ATXN10: variants seen among roughly 807,000 people sequenced by gnomAD.
The protein encoded by ATXN10 is ataxin 10.
ATXN10 carries 28 observed loss-of-function variants against 52.9 expected under a neutral mutation model. The observed-to-expected ratio is 0.53, with a 90% CI of 0.39 to 0.73. The LOEUF is 0.73. Ranked by LOEUF, ATXN10 falls within the 30% of genes least tolerant of loss-of-function variation. The pLI is 0.00. For synonymous variants in ATXN10, 226 were observed against 221.5 expected, an observed-to-expected ratio of 1.02 and a Z score of -0.18; for missense variants, 565 against 577.0, an observed-to-expected ratio of 0.98 and a Z score of 0.21.
chr22:45,770,349 A>G lies in ATXN10; in HGVS notation c.1173+29811A>G, dbSNP rs1182806873. On this transcript the variant is annotated intron_variant, in intron 9 of 11. Transcript: ENST00000252934. The surrounding 1 kb of genome is among the most constrained non-coding windows in gnomAD (Gnocchi z 4.5). Reference sequence around the variant, plus strand: ...TTAAAATGAGACAGGATGAGGACACATTGTAATAAGTACTGTCGCTGGTTG... The same window carrying G: ...TTAAAATGAGACAGGATGAGGACACGTTGTAATAAGTACTGTCGCTGGTTG... 1.3e-5 allele frequency among the ~76,000 whole-genome samples: 2 copies of G among 152,206 alleles called. No homozygotes were observed. Among genetic ancestry groups the G allele is most frequent in the Non-Finnish European group, 2.9e-5 (2 of 68,036 alleles).
rs1240394474 is a variant in ATXN10, at chr22:45,787,223, CCA to C, written c.1174-19735_1174-19734del. Among the ~76,000 whole-genome samples, 13 of 152,202 alleles carry C rather than the reference CCA, an allele frequency of 8.5e-5. No homozygotes were observed. The East Asian group carries it at 1.7e-3, about 20-fold the overall frequency. ...GAATTTTCATGGATAGGATCTGTCC[CCA>C]TCTCAGGGTTGGGGCTTGGCTCCTG... On this transcript the variant is annotated intron_variant, in intron 9 of 11. Transcript: ENST00000252934. The surrounding 1 kb of genome is among the most constrained non-coding windows in gnomAD (Gnocchi z 4.2).
chr22:45,758,912 A>G (rs1426984574), intron 9 of ATXN10, among the ~76,000 whole-genome samples: 1 of 152,212 alleles, frequency 6.6e-6, no homozygotes, highest in Non-Finnish European at 1.5e-5. Context: ...CATGGCTTTT[A>G]TGGAGTCATA....
At chr22:45,716,426 C>A (rs1243855450) in intron 5 of ATXN10, among the ~76,000 whole-genome samples, 1 of 151,192 alleles carries the variant, frequency 6.6e-6, no homozygotes, top group African/African-American at 2.4e-5. Context: ...ACCTCTGCCT[C>A]CTGTGTTCAA....
At chr22:45,743,025 G>C (rs937301983) in intron 9 of ATXN10, among the ~76,000 whole-genome samples, 16 of 152,268 alleles carry the variant, frequency 1.1e-4, no homozygotes, top group Admixed American at 9.8e-4. Context: ...CCCTTAAAAG[G>C]CTTGCGAAAT....
intron 7 of ATXN10, among the ~76,000 whole-genome samples, chr22:45,738,316 A>G (rs1925377822): frequency 6.6e-6 from 1 of 152,202 alleles, no homozygotes; most frequent in African/African-American, 2.4e-5. Flanking sequence ...AAATTAATGT[A>G]TTTTATGGGA....
At position 45,795,359 on chromosome 22, in the gene ATXN10, T is replaced by G. The variant is rs753998661; in HGVS notation, c.1174-11600T>G. On this transcript the variant is annotated intron_variant, in intron 9 of 11. Transcript: ENST00000252934. The surrounding 1 kb of genome is among the most constrained non-coding windows in gnomAD (Gnocchi z 4.6). ...ACTAAAAGACTACTAGAATGGATTC[T>G]ATTCTATTCTATTCTATTCTATTCT... Among the ~76,000 whole-genome samples the G allele has an allele frequency of 9.2e-4, 44 of 47,834 alleles. No homozygotes were observed. The highest frequency in any genetic ancestry group is 5.0e-3 in the South Asian group (7 of 1,408). The allele number at this position is 47,834 out of a possible 152,430, so 31.4% of individuals were successfully genotyped here.
At chr22:45,821,688 A>G (rs1928655174) in intron 10 of ATXN10, among the ~76,000 whole-genome samples, 1 of 152,194 alleles carries the variant, frequency 6.6e-6, no homozygotes, top group South Asian at 2.1e-4. Flanking sequence ...TTAAGTATAC[A>G]TCTTGACATT....
chr22:45,810,061 A>G (rs1012941628), intron 10 of ATXN10, among the ~76,000 whole-genome samples: 2 of 152,162 alleles, frequency 1.3e-5, no homozygotes, highest in Non-Finnish European at 2.9e-5. Context: ...TACCTTTTAT[A>G]TATATATGTC....
intron 9 of ATXN10, among the ~76,000 whole-genome samples, chr22:45,794,956 A>C (rs922078160): frequency 1.3e-5 from 2 of 152,224 alleles, no homozygotes; most frequent in Non-Finnish European, 2.9e-5. Flanking sequence ...TAAAGTAATC[A>C]TAATGGCAGT....
chr22:45,734,869 A>ATATTATTATTATTATTATTAT (rs10625108), intron 7 of ATXN10, among the ~76,000 whole-genome samples: 62 of 142,372 alleles, frequency 4.4e-4, no homozygotes, highest in African/African-American at 5.5e-4. Flanking sequence ...GAAATGGGTT[A>ATATTATTATTATTATTATTAT]TATTATTATT....
rs770582991 is a variant in ATXN10, at chr22:45,763,356, G to C, written c.1173+22818G>C. Reference sequence around the variant, plus strand: ...GAGATGAGGCTGAGTGGGAGTGAAGGTTTCGTCAAGGTTACGAAAGGCCTT... The same window carrying C: ...GAGATGAGGCTGAGTGGGAGTGAAGCTTTCGTCAAGGTTACGAAAGGCCTT... On this transcript the variant is annotated intron_variant, in intron 9 of 11. Coordinates refer to ENST00000252934, the MANE Select transcript of ATXN10 (RefSeq NM_013236.4). This position sits in a 1 kb window ranked among gnomAD's most constrained non-coding sequence, Gnocchi z 6.9. Among the ~76,000 whole-genome samples, 18 of 152,168 alleles carry C rather than the reference G, an allele frequency of 1.2e-4. No individual in the cohort carries two copies. Among genetic ancestry groups the C allele is most frequent in the Admixed American group, 2.0e-4 (3 of 15,286 alleles).
intron 1 of ATXN10, 80 bp downstream of exon 1, chr22:45,672,259 G>T: frequency 7.9e-7 from 1 of 1,265,388 alleles, no homozygotes. Context: ...CTGGACCCAG[G>T]CGCCGCCCCC....
intron 10 of ATXN10, among the ~76,000 whole-genome samples, chr22:45,815,215 G>A (rs762711325): frequency 2.6e-5 from 4 of 152,214 alleles, no homozygotes; most frequent in Non-Finnish European, 5.9e-5. Context: ...ATGATACTGA[G>A]TGAAAGAAGC....
Position 45,819,173 on chromosome 22 carries a change from G to T in ATXN10, c.1237+12151G>T, listed in dbSNP as rs1928564470. On this transcript the variant is annotated intron_variant, in intron 10 of 11. Coordinates refer to ENST00000252934, the MANE Select transcript of ATXN10 (RefSeq NM_013236.4). This position sits in a 1 kb window ranked among gnomAD's most constrained non-coding sequence, Gnocchi z 4.5. ...CTGCATTCCTCCTGGTTTCTCTGTA[G>T]TATGAAGAATAGAATAGAAAATAGA... 6.6e-6 allele frequency among the ~76,000 whole-genome samples: 1 copy of T among 151,364 alleles called. No individual in the cohort carries two copies.
Position 45,681,793 on chromosome 22 carries a change from C to T in ATXN10, c.117-7919C>T, listed in dbSNP as rs1922934143. On this transcript the variant is annotated intron_variant, in intron 1 of 11. Transcript: ENST00000252934. The surrounding 1 kb of genome is among the most constrained non-coding windows in gnomAD (Gnocchi z 4.2). ...CTGGTCCCTTGACTCTCCTGCTCCC[C>T]GAGTCAGGTATTTCATGCTCCACCC... Among the ~76,000 whole-genome samples the T allele has an allele frequency of 6.6e-6, 1 of 152,072 alleles. No homozygotes were observed. The highest frequency in any genetic ancestry group is 1.5e-5 in the Non-Finnish European group (1 of 68,026).
chr22:45,709,307 C>G (rs1341858172), intron 5 of ATXN10, among the ~76,000 whole-genome samples: 1 of 152,174 alleles, frequency 6.6e-6, no homozygotes, highest in African/African-American at 2.4e-5. Context: ...AAGATAATAT[C>G]TGGCATGTGA....
At chr22:45,808,826 T>C (rs1928187417) in intron 10 of ATXN10, among the ~76,000 whole-genome samples, 1 of 152,164 alleles carries the variant, frequency 6.6e-6, no homozygotes, top group East Asian at 1.9e-4. Context: ...AAGTTACACA[T>C]GGAAAAATTT....
chr22:45,697,705 C>T (rs1252330039), intron 3 of ATXN10, among the ~76,000 whole-genome samples: 1 of 152,216 alleles, frequency 6.6e-6, no homozygotes, highest in African/African-American at 2.4e-5. Context: ...TCTCGGCTCA[C>T]TGCAGGCTCC....
intron 9 of ATXN10, among the ~76,000 whole-genome samples, chr22:45,768,122 C>G (rs1601633933): frequency 6.6e-6 from 1 of 152,276 alleles, no homozygotes; most frequent in East Asian, 1.9e-4. Context: ...GTGCCTATTT[C>G]CTACCCTTAT....
Sources: gnomAD v4.1 joint callset for allele counts (sites outside exome capture counted in the v4.1 genomes callset) on GRCh38, gnomAD v4.1.1 for gene constraint, Gnocchi (gnomAD v3.1) non-coding constraint, MANE v1.5 for transcripts, NCBI Gene and HGNC (gene_info 2026-07-23, HGNC 2026-07-21) for gene names.